RARB: variants seen among roughly 807,000 people sequenced by gnomAD.
RARB encodes the protein retinoic acid receptor beta, also known as HBV-activated protein.
RARB carries 17 observed loss-of-function variants against 51.9 expected under a neutral mutation model. The ratio of observed to expected loss-of-function variants is 0.33; its 90% CI spans 0.22 to 0.49. RARB has a LOEUF of 0.49. RARB is among the 20% of genes least tolerant of loss of function. RARB has a pLI of 0.99. For missense variants in RARB, 369 were observed against 550.8 expected (o/e 0.67, Z 3.30); for synonymous variants, 215 against 195.4 (o/e 1.10, Z -0.84).
chr3:24,912,956 C>T (rs191281768), intron 2 of RARB, among the ~76,000 whole-genome samples: 265 of 121,612 alleles, frequency 2.2e-3, no homozygotes, highest in African/African-American at 6.5e-3. Flanking sequence ...AGTGGCAATA[C>T]GCACACAAGG....
chr3:25,154,292 G>C (rs1044564756), intron 4 of RARB, among the ~76,000 whole-genome samples: 3 of 152,158 alleles, frequency 2.0e-5, no homozygotes, highest in Admixed American at 2.0e-4. Context: ...CTCCATCCGA[G>C]TTCCTTAGCT....
At chr3:25,296,431 C>G (rs1228819544) in intron 5 of RARB, among the ~76,000 whole-genome samples, 1 of 152,130 alleles carries the variant, frequency 6.6e-6, no homozygotes, top group African/African-American at 2.4e-5. Flanking sequence ...GGCAAATTAT[C>G]TCTGTGCTTC....
intron 5 of RARB, among the ~76,000 whole-genome samples, chr3:25,234,680 C>T (rs1474693263): frequency 6.6e-6 from 1 of 152,008 alleles, no homozygotes; most frequent in Non-Finnish European, 1.5e-5. Context: ...CAAATAGTTC[C>T]CTTTTCTTCA....
At chr3:25,033,426 A>T (rs1457300003) in intron 2 of RARB, among the ~76,000 whole-genome samples, 1 of 152,208 alleles carries the variant, frequency 6.6e-6, no homozygotes, top group Admixed American at 6.5e-5. Flanking sequence ...GGTGAATCAG[A>T]AGTTATTAAC....
Position 24,885,581 on chromosome 3 carries a change from G to A in RARB, c.-380+26829G>A, listed in dbSNP as rs193203034. Among the ~76,000 whole-genome samples the A allele has an allele frequency of 5.3e-5, 8 of 152,194 alleles. 1 individual carries two copies. Among genetic ancestry groups the A allele is most frequent in the African/African-American group, 1.2e-4 (5 of 41,548 alleles). ...TATAGTGTAGCTCTAAATCACTAACGTCAAAATGAACCTACATTTTTATGA... is the reference window on the plus strand; with the variant it reads ...TATAGTGTAGCTCTAAATCACTAACATCAAAATGAACCTACATTTTTATGA... On this transcript the variant is annotated intron_variant, in intron 2 of 11. Coordinates refer to the RARB transcript ENST00000383772.
intron 5 of RARB, among the ~76,000 whole-genome samples, chr3:25,295,771 C>T (rs1427633804): frequency 2.6e-5 from 4 of 152,184 alleles, no homozygotes; most frequent in Admixed American, 2.6e-4. Flanking sequence ...CTAAGACACT[C>T]ACATGCTAGA....
intron 1 of RARB, among the ~76,000 whole-genome samples, chr3:25,450,607 A>G (rs895128008): frequency 1.3e-5 from 2 of 152,086 alleles, no homozygotes; most frequent in African/African-American, 4.8e-5. Context: ...CCTCAGCACT[A>G]TCTATAATTG....
intron 3 of RARB, among the ~76,000 whole-genome samples, chr3:25,079,567 C>A (rs1160590477): frequency 2.6e-5 from 4 of 152,108 alleles, no homozygotes; most frequent in Non-Finnish European, 4.4e-5. Flanking sequence ...CTCTCAATTT[C>A]TAGTTTGCTG....
At chr3:24,987,693 T>C (rs1369311494) in intron 2 of RARB, among the ~76,000 whole-genome samples, 1 of 152,194 alleles carries the variant, frequency 6.6e-6, no homozygotes, top group African/African-American at 2.4e-5. Context: ...AAAAAGATGA[T>C]TTTTCCAAAT....
chr3:25,311,134 T>C (rs1704279125), intron 5 of RARB, among the ~76,000 whole-genome samples: 1 of 152,164 alleles, frequency 6.6e-6, no homozygotes, highest in Non-Finnish European at 1.5e-5. Context: ...GTGTCGGGTT[T>C]GTGCCAAGCC....
chr3:25,437,242 T>C (rs969148536), intron 1 of RARB, among the ~76,000 whole-genome samples: 1 of 152,002 alleles, frequency 6.6e-6, no homozygotes, highest in African/African-American at 2.4e-5. Flanking sequence ...CACTGTGCCC[T>C]GATTCAGGGG....
chr3:25,086,703 G>T (rs1699111748), intron 3 of RARB, among the ~76,000 whole-genome samples: 1 of 152,184 alleles, frequency 6.6e-6, no homozygotes, highest in African/African-American at 2.4e-5. Context: ...TGGGGGTTGG[G>T]GAAGGAGGGG....
chr3:25,052,666 G>T (rs1474072041), intron 2 of RARB, among the ~76,000 whole-genome samples: 1 of 152,140 alleles, frequency 6.6e-6, no homozygotes, highest in African/African-American at 2.4e-5. Flanking sequence ...TTTTCCTGAA[G>T]GTTAGTGCAT....
At chr3:25,420,860 A>G (rs931513011) in intron 5 of RARB, among the ~76,000 whole-genome samples, 1 of 152,066 alleles carries the variant, frequency 6.6e-6, no homozygotes, top group Non-Finnish European at 1.5e-5. Context: ...GGATGGATGG[A>G]TGGATGGAAA....
intron 3 of RARB, among the ~76,000 whole-genome samples, chr3:25,060,775 G>A (rs1228098015): frequency 6.6e-6 from 1 of 151,890 alleles, no homozygotes; most frequent in Non-Finnish European, 1.5e-5. Flanking sequence ...GGTTAAGGTA[G>A]GTAGACTCGC....
intron 5 of RARB, chr3:25,346,027 G>A (rs1166549023): frequency 9.9e-6 from 3 of 302,130 alleles, no homozygotes; most frequent in African/African-American, 2.3e-5. Context: ...TTGACTGATC[G>A]CCGCTGGGTT....
At chr3:25,334,563 A>C (rs1181687324) in intron 5 of RARB, among the ~76,000 whole-genome samples, 3 of 152,182 alleles carry the variant, frequency 2.0e-5, no homozygotes. Context: ...TAGCATTAGG[A>C]GATATACCTA....
intron 5 of RARB, among the ~76,000 whole-genome samples, chr3:25,341,553 A>G (rs1163402575): frequency 6.6e-6 from 1 of 152,138 alleles, no homozygotes; most frequent in Non-Finnish European, 1.5e-5. Context: ...GATGGACAGG[A>G]ATTGATGACT....
chr3:25,119,724 T>C (rs1000992161), intron 3 of RARB, among the ~76,000 whole-genome samples: 1 of 151,856 alleles, frequency 6.6e-6, no homozygotes, highest in Non-Finnish European at 1.5e-5. Context: ...TAACTTTATA[T>C]TTGAAAACCT....
Sources: allele counts gnomAD v4.1 joint callset (sites outside exome capture counted in the v4.1 genomes callset), GRCh38; gene constraint gnomAD v4.1.1; transcripts MANE v1.5; gene names NCBI Gene and HGNC (gene_info 2026-07-23, HGNC 2026-07-21).